CTNNA1: variants seen among roughly 807,000 people sequenced by gnomAD.
CTNNA1 encodes catenin alpha-1.
CTNNA1 carries 37 observed loss-of-function variants against 98.4 expected under a neutral mutation model. The ratio of observed to expected loss-of-function variants is 0.38; its 90% confidence interval spans 0.29 to 0.49. The LOEUF is 0.49. Among genes scored for constraint, CTNNA1 ranks in the 20% least tolerant of loss-of-function variants. CTNNA1 has a pLI of 0.95. For synonymous variants in CTNNA1, 404 were observed against 413.2 expected (o/e 0.98, Z 0.27); for missense variants, 761 against 1,147.2 (o/e 0.66, Z 4.86).
chr5:138,849,420 A>C (rs1301301271), intron 7 of CTNNA1, among the ~76,000 whole-genome samples: 1 of 152,228 alleles, frequency 6.6e-6, no homozygotes, highest in East Asian at 1.9e-4. Flanking sequence ...GGCATAGCCT[A>C]TGTATTTAAA....
intron 5 of CTNNA1, among the ~76,000 whole-genome samples, chr5:138,812,992 C>T (rs1050537997): frequency 6.6e-6 from 1 of 152,170 alleles, no homozygotes; most frequent in Non-Finnish European, 1.5e-5. Context: ...AAAACAAGCC[C>T]CAAGAAGAAT....
At chr5:138,893,600 TTTC>T (rs1755997584) in intron 9 of CTNNA1, among the ~76,000 whole-genome samples, 2 of 151,492 alleles carry the variant, frequency 1.3e-5, no homozygotes, top group East Asian at 1.9e-4. Context: ...TTTATTATTT[TTTC>T]TTATTTAATT....
chr5:138,926,155 TG>T (rs1763982115), intron 13 of CTNNA1, among the ~76,000 whole-genome samples: 1 of 152,196 alleles, frequency 6.6e-6, no homozygotes, highest in African/African-American at 2.4e-5. Context: ...CTAGATCTAT[TG>T]TTCAGGTTGC....
Position 138,827,686 on chromosome 5 carries a change from C to G in CTNNA1, c.1030C>G (p.Leu344Val), listed in dbSNP as rs1760858000. ...VAECNAVRQA[L>V]QDLLSEYMGN... ...AGAGTGTAATGCTGTCCGCCAGGCC[C>G]TGCAGGACCTGCTTTCGGAGTACAT... The change falls in exon 7 of 18, where the codon CTG becomes GTG. Residue 344 changes from leucine to valine, a missense_variant. By Grantham distance (32) the Leu-to-Val change is conservative. Coordinates refer to ENST00000302763, the MANE Select transcript of CTNNA1 (RefSeq NM_001903.5). The G allele has an allele frequency of 1.2e-6, 2 of 1,614,118 alleles. No homozygotes were observed. The highest frequency in any genetic ancestry group is 3.3e-5 in the Admixed American group (2 of 60,014).
chr5:138,808,385 G>A (rs1403074150), intron 3 of CTNNA1, among the ~76,000 whole-genome samples: 2 of 152,058 alleles, frequency 1.3e-5, no homozygotes, highest in African/African-American at 4.8e-5. Flanking sequence ...GAAGATACTA[G>A]CATTAATGTT....
intron 5 of CTNNA1, among the ~76,000 whole-genome samples, chr5:138,812,939 C>G (rs138616504): frequency 9.2e-4 from 140 of 152,308 alleles, no homozygotes; most frequent in African/African-American, 3.3e-3. Context: ...CTTCTTATAT[C>G]TTTCATAGTC....
chr5:138,765,114 C>G (rs529717505), intron 1 of CTNNA1, among the ~76,000 whole-genome samples: 1 of 151,904 alleles, frequency 6.6e-6, no homozygotes, highest in South Asian at 2.1e-4. Context: ...GATCTCGGCT[C>G]ACTGCAACCT....
Position 138,917,755 on chromosome 5 carries a change from C to T in CTNNA1, c.1403C>T (p.Ala468Val). The T allele has an allele frequency of 6.2e-7, 1 of 1,614,094 alleles. No individual in the cohort carries two copies. Among genetic ancestry groups the T allele is most frequent in the Middle Eastern group, 1.7e-4 (1 of 6,058 alleles). ...EALCPQVINA[A>V]LALAAKPQSK... Reference sequence around the variant, plus strand: ...TATCTTTTGCAGGTTATTAATGCTGCACTGGCTTTAGCAGCAAAACCACAG... The same window carrying T: ...TATCTTTTGCAGGTTATTAATGCTGTACTGGCTTTAGCAGCAAAACCACAG... Residue 468 changes from alanine (A) to valine (V), a missense_variant, in exon 11 of 18, where the codon GCA becomes GTA. Physicochemically the swap from Ala to Val is moderately conservative, Grantham distance 64. Around this residue, in one of 6 missense-constraint regions of CTNNA1, gnomAD observed 287 missense variants for 436.0 expected, o/e 0.66. Transcript: ENST00000302763.
intron 3 of CTNNA1, among the ~76,000 whole-genome samples, chr5:138,793,517 C>G (rs1393711412): frequency 1.3e-5 from 2 of 152,220 alleles, no homozygotes; most frequent in East Asian, 3.9e-4. Flanking sequence ...TAACACTAAC[C>G]AGGATAATAA....
At chr5:138,932,375 C>T (rs1456595864) in intron 16 of CTNNA1, 12 of 1,404,932 alleles carry the variant, frequency 8.5e-6, no homozygotes, top group South Asian at 4.9e-5. Flanking sequence ...GTCCCATGGA[C>T]GACTTCCATC....
rs1580922164 is a variant in CTNNA1, at chr5:138,931,945, C to T, written c.2299-633C>T. 4.1e-6 allele frequency: 4 copies of T among 985,454 alleles called. No individual in the cohort carries two copies. In the South Asian group the frequency reaches 1.9e-4, roughly 46 times the overall value. 61.0% of individuals were successfully genotyped at this position (985,454 alleles called of 1,614,324 possible). A position where few individuals can be genotyped will look rare whatever the true frequency, so the allele number is the denominator to read the frequency against. On this transcript the variant is annotated intron_variant, in intron 16 of 17. Coordinates refer to ENST00000302763, the MANE Select transcript of CTNNA1 (RefSeq NM_001903.5). ...TTGGGTAAAGCTTTCTAGGCTGGTC[C>T]TAATCTGGGAGCCTCTAAAACTCTG...
intron 11 of CTNNA1, among the ~76,000 whole-genome samples, chr5:138,918,848 A>G (rs955805056): frequency 6.6e-6 from 1 of 152,212 alleles, no homozygotes; most frequent in African/African-American, 2.4e-5. Flanking sequence ...CTGTCACCCC[A>G]GGGAACCACG....
At chr5:138,930,700 T>A in intron 15 of CTNNA1, 46 bp downstream of exon 15, 1 of 1,589,298 alleles carries the variant, frequency 6.3e-7, no homozygotes, top group Non-Finnish European at 8.6e-7. Flanking sequence ...GGCTACTTTC[T>A]TCCCCACAGG....
intron 5 of CTNNA1, among the ~76,000 whole-genome samples, chr5:138,818,782 A>G (rs573952575): frequency 6.6e-6 from 1 of 152,152 alleles, no homozygotes; most frequent in Non-Finnish European, 1.5e-5. Context: ...TGGTTGTGTC[A>G]GGTATGACAC....
Position 138,924,300 on chromosome 5 carries a change from AC to A in CTNNA1, c.1547-208del, listed in dbSNP as rs34187976. ...ATTTTTTGTTTTTTTTTTTTTAAAA[AC>A]CTGGAATGAAGATTGTTATTCTTGG... On this transcript the variant is annotated intron_variant, in intron 11 of 17. Coordinates refer to ENST00000302763, the MANE Select transcript of CTNNA1 (RefSeq NM_001903.5). Among the ~76,000 whole-genome samples the A allele has an allele frequency of 0.24, 35,285 of 147,984 alleles. 4,531 individuals are homozygous for A. The highest frequency in any genetic ancestry group is 0.3 in the Non-Finnish European group (20,232 of 67,080).
At chr5:138,796,654 A>C (rs916001942) in intron 3 of CTNNA1, among the ~76,000 whole-genome samples, 1 of 152,208 alleles carries the variant, frequency 6.6e-6, no homozygotes, top group African/African-American at 2.4e-5. Flanking sequence ...TTATCTGGGA[A>C]ATCAGTGGGA....
chr5:138,792,321 A>G (rs1581026643), intron 3 of CTNNA1, among the ~76,000 whole-genome samples: 1 of 152,238 alleles, frequency 6.6e-6, no homozygotes, highest in South Asian at 2.1e-4. Context: ...CTCTTGAGGC[A>G]TGATTTTCTC....
chr5:138,815,844 C>A (rs576778458), intron 5 of CTNNA1, among the ~76,000 whole-genome samples: 4 of 152,056 alleles, frequency 2.6e-5, no homozygotes, highest in African/African-American at 9.7e-5. Flanking sequence ...TCCTGTGTAC[C>A]CCCGTTCACA....
At chr5:138,857,227 C>T (rs1217987330) in intron 7 of CTNNA1, among the ~76,000 whole-genome samples, 1 of 152,148 alleles carries the variant, frequency 6.6e-6, no homozygotes, top group African/African-American at 2.4e-5. Flanking sequence ...CTGCTTTGGT[C>T]ATCATATCCT....
Sources: allele counts gnomAD v4.1 joint callset (sites outside exome capture counted in the v4.1 genomes callset), GRCh38; gene constraint gnomAD v4.1.1; regional missense constraint gnomAD v4.1.1; transcripts MANE v1.5; gene names NCBI Gene and HGNC (gene_info 2026-07-23, HGNC 2026-07-21).